FLG: variants seen among roughly 807,000 people sequenced by gnomAD.
The protein encoded by FLG is epidermal filaggrin.
A neutral mutation model predicts 3.8 loss-of-function variants in FLG; 6 were observed. The ratio of observed to expected loss-of-function variants is 1.60; its 90% CI spans 0.87 to 3.15. The LOEUF (loss-of-function observed/expected upper bound fraction) is 3.15. Ranked by LOEUF, FLG falls within the 30% of genes most tolerant of loss-of-function variation. The pLI is 0.00. For missense variants in FLG, 7,595 were observed against 5,050.9 expected (o/e 1.50, Z -15.27); for synonymous variants, 2,551 against 1,931.6 (o/e 1.32, Z -8.41).
Position 152,309,374 on chromosome 1 carries a change from G to C in FLG, c.5512C>G (p.His1838Asp). 6.2e-7 allele frequency: 1 copy of C among 1,613,830 alleles called. No individual in the cohort carries two copies. The highest frequency in any genetic ancestry group is 8.5e-7 in the Non-Finnish European group (1 of 1,180,006). Residue 1838 changes from histidine (H) to aspartate (D), a missense_variant, in exon 3 of 3, where the codon CAC (histidine) becomes GAC (aspartate). Physicochemically the swap from His to Asp is moderately conservative, Grantham distance 81. Transcript: ENST00000368799. Reference protein sequence around the residue: ...HYEQSVDSSGHSGSHHSHTTS... With the variant: ...HYEQSVDSSGDSGSHHSHTTS... ...GTGTGGCTGTGATGAGACCCTGAGT[G>C]TCCAGAACTATCTACCGATTGCTCA...
Position 152,312,446 on chromosome 1 carries a change from T to C in FLG, c.2440A>G (p.Thr814Ala), listed in dbSNP as rs527537468. 7.4e-5 allele frequency: 119 copies of C among 1,613,626 alleles called. 2 individuals carry two copies. In the Middle Eastern group the frequency reaches 1.3e-3, roughly 18 times the overall value. ...ESSHGWTGPS[T>A]GVRQGSHHEQ... ...TGGTGGGATCCTTGTCTTACTCCAG[T>C]GCTGGGCCCTGTCCATCCATGGGAG... is the stretch of plus-strand genomic sequence containing the variant. Residue 814 changes from threonine (T) to alanine (A), a missense_variant, in exon 3 of 3, where the codon ACT becomes GCT. Coordinates refer to ENST00000368799, the MANE Select transcript of FLG (RefSeq NM_002016.2).
Position 152,308,204 on chromosome 1 carries a change from C to G in FLG, c.6682G>C (p.Gly2228Arg), listed in dbSNP as rs778545248. 1 of 1,613,994 alleles carries G rather than the reference C, an allele frequency of 6.2e-7. No individual in the cohort carries two copies. The highest frequency in any genetic ancestry group is 1.7e-5 in the Admixed American group (1 of 60,010). Residue 2228 changes from glycine to arginine, a missense_variant, in exon 3 of 3, where the codon GGA becomes CGA. Gly to Arg is a moderately radical substitution (Grantham distance 125, BLOSUM62 -2). Coordinates refer to ENST00000368799, the MANE Select transcript of FLG (RefSeq NM_002016.2). ...DSSRHSLVGQ[G>R]QSSGPRTSRP... is the part of the protein sequence containing the mutation. Reference sequence around the variant, plus strand: ...CTTGTCCTGGGCCCTGATGATTGTCCCTGGCCCACCAGTGAGTGTCTAGAG... The same window carrying G: ...CTTGTCCTGGGCCCTGATGATTGTCGCTGGCCCACCAGTGAGTGTCTAGAG...
At position 152,303,396 on chromosome 1, in the gene FLG, G is replaced by A. The variant is rs201288925; in HGVS notation, c.11490C>T (p.His3830=). The A allele has an allele frequency of 6.2e-7, 1 of 1,614,088 alleles. No homozygotes were observed. Among genetic ancestry groups the A allele is most frequent in the Admixed American group, 1.7e-5 (1 of 60,010 alleles). ...TGTCAGCCTGAGTGGAAGCTTCATG[G>A]TGACGCGACCCTGAGTGCCTGGAGC... ...GDGSRHSGSR[H]HEASTQADSS... Residue 3830 remains histidine, a synonymous_variant, in exon 3 of 3, where the codon CAC becomes CAT. Transcript: ENST00000368799.
Position 152,302,637 on chromosome 1 carries a change from T to C in FLG, c.*63A>G. The C allele has an allele frequency of 1.3e-6, 2 of 1,592,408 alleles. No homozygotes were observed. The highest frequency in any genetic ancestry group is 1.7e-6 in the Non-Finnish European group (2 of 1,169,252). ...TTCCCTGAAAGTATTATGAAGTTTC[T>C]TGATTGAAAGTGAACTTGCTTCATT... On this transcript the variant is annotated 3_prime_UTR_variant, in exon 3 of 3. Transcript: ENST00000368799.
rs1240113879 is a variant in FLG, at chr1:152,304,925, C to T, written c.9961G>A (p.Gly3321Arg). The change falls in exon 3 of 3, where the codon GGA becomes AGA. Residue 3321 changes from glycine (G) to arginine (R), a missense_variant. Transcript: ENST00000368799. Reference protein sequence around the residue: ...DSSRHSGIPRGQASSAVRDSR... With the variant: ...DSSRHSGIPRRQASSAVRDSR... ...TCTCTGACTGCAGATGAAGCTTGTC[C>T]ACGCGGAATGCCTGAGTGTCTGGAG... The T allele has an allele frequency of 2.7e-5, 43 of 1,613,648 alleles. No individual in the cohort carries two copies. Among genetic ancestry groups the T allele is most frequent in the Middle Eastern group, 1.6e-4 (1 of 6,082 alleles).
rs147265288 is a variant in FLG at position 152,315,418 on chromosome 1, A to T, written c.39T>A (p.Asn13Lys). 6.8e-6 allele frequency: 11 copies of T among 1,612,104 alleles called. No individual in the cohort carries two copies. The African/African-American group carries it at 1.5e-4, about 22-fold the overall frequency. ...CTTTTTTTGAATATTGCTTGAAAAG[A>T]TTAATTATGGCAAAGATGTTTTCCA... ...TLLENIFAII[N>K]LFKQYSKKDK... The change falls in exon 2 of 3, where the codon AAT becomes AAA. Residue 13 changes from asparagine (N) to lysine (K), a missense_variant. By Grantham distance (94) the Asn-to-Lys change is moderately conservative. Transcript: ENST00000368799.
rs767080575 is a variant in FLG, at chr1:152,303,430, G to C, written c.11456C>G (p.Ser3819Ter). The C allele has an allele frequency of 1.9e-6, 3 of 1,613,972 alleles. No individual in the cohort carries two copies. The South Asian group carries it at 3.3e-5, about 18-fold the overall frequency. The change falls in exon 3 of 3, where the codon TCA becomes TGA. Residue 3819 changes from serine (S) to a stop codon, truncating the protein, a stop_gained. Transcript: ENST00000368799. LOFTEE classifies it low-confidence loss of function (END_TRUNC). ...CCCTGAGTGCCTGGAGCCGTCTCCT[G>C]ACTGTTCCTCATTACGTGTTTCTCT... ...ASRETRNEEQ[S>*]GDGSRHSGSR...
chr1:152,307,592 C>A lies in FLG; in HGVS notation c.7294G>T (p.Gly2432Trp). The A allele has an allele frequency of 6.2e-7, 1 of 1,613,616 alleles. No individual in the cohort carries two copies. Among genetic ancestry groups the A allele is most frequent in the Non-Finnish European group, 8.5e-7 (1 of 1,179,904 alleles). ...EQSESAHGRT[G>W]TSTGGRQGSH... Reference sequence around the variant, plus strand: ...CCTTGTCTTCCTCCAGTGCTGGTCCCGGTCCGTCCATGGGCGGACTCAGAC... The same window carrying A: ...CCTTGTCTTCCTCCAGTGCTGGTCCAGGTCCGTCCATGGGCGGACTCAGAC... The change falls in exon 3 of 3, where the codon GGG becomes TGG. Residue 2432 changes from glycine to tryptophan, a missense_variant. Gly to Trp is a radical substitution (Grantham distance 184). Transcript: ENST00000368799.
intron 1 of FLG, among the ~76,000 whole-genome samples, chr1:152,318,770 T>C (rs963933830): frequency 6.6e-6 from 1 of 151,880 alleles, no homozygotes; most frequent in African/African-American, 2.4e-5. Context: ...TTTGGAGATA[T>C]AGTAGTGAAC....
At position 152,309,471 on chromosome 1, in the gene FLG, C is replaced by T. The variant is rs150503906; in HGVS notation, c.5415G>A (p.Ala1805=). 1,173 of 1,613,134 alleles carry T rather than the reference C, an allele frequency of 7.3e-4. 27 individuals are homozygous for T. The East Asian group carries it at 0.014, about 19-fold the overall frequency. Residue 1805 remains alanine, a synonymous_variant, in exon 3 of 3, where the codon GCG becomes GCA. Transcript: ENST00000368799. ...GAATGGTGTCCTGACCCTCTTGGGA[C>T]GCTGAGTGCCTGGAGCTGTCTCGTG... ...EQARDSSRHS[A]SQEGQDTIRG...
chr1:152,313,836 T>G lies in FLG; in HGVS notation c.1050A>C (p.Ala350=). 1 of 1,614,182 alleles carries G rather than the reference T, an allele frequency of 6.2e-7. No individual in the cohort carries two copies. Among genetic ancestry groups the G allele is most frequent in the Non-Finnish European group, 8.5e-7 (1 of 1,180,026 alleles). Residue 350 remains alanine, a synonymous_variant, in exon 3 of 3, where the codon GCA becomes GCC. Coordinates refer to ENST00000368799, the MANE Select transcript of FLG (RefSeq NM_002016.2). ...DEDRASHGHS[A]DSSRQSGTRH... is the part of the protein sequence containing the mutation. ...GAGTGCCTGATTGTCTGGAGCTGTC[T>G]GCAGAGTGCCCATGACTGGCTCTGT...
At position 152,308,597 on chromosome 1, in the gene FLG, G is replaced by C; in HGVS notation, c.6289C>G (p.His2097Asp). Reference protein sequence around the residue: ...SGSFLYQVSTHEQSESTHGQS... With the variant: ...SGSFLYQVSTDEQSESTHGQS... ...CCATGGGTGGACTCAGACTGTTCATGAGTGCTCACCTGGTAGAGGAAAGAC... is the reference window on the plus strand; with the variant it reads ...CCATGGGTGGACTCAGACTGTTCATCAGTGCTCACCTGGTAGAGGAAAGAC... Residue 2097 changes from histidine to aspartate, a missense_variant, in exon 3 of 3, where the codon CAT becomes GAT. Transcript: ENST00000368799. The C allele has an allele frequency of 6.2e-7, 1 of 1,614,132 alleles. No homozygotes were observed.
In FLG at chr1:152,312,156, C is replaced by A. The variant is rs748562944; in HGVS notation, c.2730G>T (p.Gly910=). The A allele has an allele frequency of 9.9e-6, 16 of 1,613,730 alleles. No individual in the cohort carries two copies. The African/African-American group carries it at 1.9e-4, about 19-fold the overall frequency. Residue 910 remains glycine (G), a synonymous_variant, in exon 3 of 3, where the codon GGG becomes GGT. Coordinates refer to ENST00000368799, the MANE Select transcript of FLG (RefSeq NM_002016.2). ...EQSRDGSRHS[G]SRHHEASSHA... ...GAGAGGAAGCTTCATGGTGACGTGA[C>A]CCTGAGTGCCTGGAGCCGTCTCTTG...
rs751371192 is a variant in FLG, at chr1:152,313,853, T to A, written c.1033A>T (p.Ser345Cys). The change falls in exon 3 of 3, where the codon AGT becomes TGT. Residue 345 changes from serine (S) to cysteine (C), a missense_variant. Ser to Cys is a moderately radical substitution (Grantham distance 112, BLOSUM62 -1). Transcript: ENST00000368799. ...HPRSHDEDRA[S>C]HGHSADSSRQ... is the part of the protein sequence containing the mutation. ...GAGCTGTCTGCAGAGTGCCCATGAC[T>A]GGCTCTGTCTTCATCATGGGACCTG... 1.2e-6 allele frequency: 2 copies of A among 1,614,138 alleles called. No homozygotes were observed. The highest frequency in any genetic ancestry group is 1.7e-6 in the Non-Finnish European group (2 of 1,180,008).
At position 152,314,118 on chromosome 1, in the gene FLG, T is replaced by A. The variant is rs907663577; in HGVS notation, c.768A>T (p.Ile256=). ...TTDSLLEENK[I]YERSRSSDGK... The stretch of plus-strand genomic sequence containing the variant: ...CATCAGATGACCTTGATCTTTCATA[T>A]ATTTTGTTTTCTTCTAATAGACTAT... The change falls in exon 3 of 3, where the codon ATA becomes ATT. Residue 256 remains isoleucine (I), a synonymous_variant. Transcript: ENST00000368799. 2 of 1,614,186 alleles carry A rather than the reference T, an allele frequency of 1.2e-6. No homozygotes were observed. The highest frequency in any genetic ancestry group is 1.7e-6 in the Non-Finnish European group (2 of 1,179,988).
At position 152,307,381 on chromosome 1, in the gene FLG, T is replaced by A; in HGVS notation, c.7505A>T (p.Asp2502Val). 3.1e-6 allele frequency: 5 copies of A among 1,613,212 alleles called. No homozygotes were observed. The highest frequency in any genetic ancestry group is 3.4e-6 in the Non-Finnish European group (4 of 1,179,696). ...HSHTTSQGRSDASHGHSGSRS... is the reference protein window; with the variant it reads ...HSHTTSQGRSVASHGHSGSRS... ...GGATCCTGAGTGCCCATGGGAGGCA[T>A]CAGACCTTCCCTGGGATGTGGTGTG... The change falls in exon 3 of 3, where the codon GAT becomes GTT. Residue 2502 changes from aspartate to valine, a missense_variant. Asp to Val is a radical substitution (Grantham distance 152, BLOSUM62 -3). Coordinates refer to ENST00000368799, the MANE Select transcript of FLG (RefSeq NM_002016.2).
Position 152,311,743 on chromosome 1 carries a change from C to G in FLG, c.3143G>C (p.Gly1048Ala), listed in dbSNP as rs771284233. ...AGATGAAGCTTGTCTGCGCGGAATG[C>G]CTGAGTGTCTGGAGCTGTCTGCTGA... ...QQSADSSRHS[G>A]IPRRQASSAV... The change falls in exon 3 of 3, where the codon GGC (glycine) becomes GCC (alanine). Residue 1048 changes from glycine (G) to alanine (A), a missense_variant. Gly to Ala is a moderately conservative substitution (Grantham distance 60, BLOSUM62 0). Coordinates refer to ENST00000368799, the MANE Select transcript of FLG (RefSeq NM_002016.2). The G allele has an allele frequency of 6.2e-7, 1 of 1,613,986 alleles. No individual in the cohort carries two copies. The highest frequency in any genetic ancestry group is 8.5e-7 in the Non-Finnish European group (1 of 1,180,006).
chr1:152,303,300 A>T lies in FLG; in HGVS notation c.11586T>A (p.Ser3862Arg). Residue 3862 changes from serine (S) to arginine (R), a missense_variant, in exon 3 of 3, where the codon AGT (serine) becomes AGA (arginine). Coordinates refer to ENST00000368799, the MANE Select transcript of FLG (RefSeq NM_002016.2). The part of the protein sequence containing the change: ...GSRRSRRQGS[S>R]VSQDSDSEAY... ...CCTCACTGTCACTGTCCTGGCTAAC[A>T]CTGGATCCCTGGCGCCTGCTTCTCC... 1.2e-6 allele frequency: 2 copies of T among 1,613,916 alleles called. No homozygotes were observed. The highest frequency in any genetic ancestry group is 1.7e-6 in the Non-Finnish European group (2 of 1,179,954).
chr1:152,313,533 T>C lies in FLG; in HGVS notation c.1353A>G (p.Gln451=), dbSNP rs141127569. The C allele has an allele frequency of 1.2e-4, 188 of 1,613,728 alleles. No individual in the cohort carries two copies. In the East Asian group the frequency reaches 2.9e-3, roughly 25 times the overall value. The change falls in exon 3 of 3, where the codon CAA becomes CAG. Residue 451 remains glutamine, a synonymous_variant. Coordinates refer to ENST00000368799, the MANE Select transcript of FLG (RefSeq NM_002016.2). Reference sequence around the variant, plus strand: ...CCCCTGACCGGCCACGTGTGGACTCTTGGTGGCTCTGCTGTCTCAGCCCAG... The same window carrying C: ...CCCCTGACCGGCCACGTGTGGACTCCTGGTGGCTCTGCTGTCTCAGCCCAG... ...GKAGLRQQSH[Q]ESTRGRSGER... is the part of the protein sequence containing the mutation.
Sources: gnomAD v4.1 joint callset for allele counts (sites outside exome capture counted in the v4.1 genomes callset) on GRCh38, gnomAD v4.1.1 for gene constraint, MANE v1.5 for transcripts, NCBI Gene and HGNC (gene_info 2026-07-23, HGNC 2026-07-21) for gene names.